LRBA: variants seen among roughly 807,000 people sequenced by gnomAD.
LRBA encodes the protein LPS responsive beige-like anchor protein.
A neutral mutation model predicts 330.0 loss-of-function variants in LRBA; 176 were observed. The observed-to-expected ratio is 0.53, with a 90% CI of 0.47 to 0.60. LRBA has a LOEUF of 0.60. Among genes scored for constraint, LRBA ranks in the 20% least tolerant of loss-of-function variants. The pLI is 0.00. For synonymous variants in LRBA, 1,230 were observed against 1,193.0 expected (o/e 1.03, Z -0.64); for missense variants, 3,259 against 3,444.8 (o/e 0.95, Z 1.35).
intron 44 of LRBA, among the ~76,000 whole-genome samples, chr4:150,452,938 A>C (rs1287423880): frequency 6.6e-6 from 1 of 152,214 alleles, no homozygotes; most frequent in Non-Finnish European, 1.5e-5. Context: ...AACTGGAATT[A>C]AACGTTTTAT....
Position 150,697,349 on chromosome 4 carries a change from A to AC in LRBA, c.5755-13633_5755-13632insG, listed in dbSNP as rs1561527684. On this transcript the variant is annotated intron_variant, in intron 36 of 56. Transcript: ENST00000651943. ...AGAAAAAAAAAAAAAAAAAAAAAAA[A>AC]AACAGGGAGAGTTTCACAGAGGAAT... Among the ~76,000 whole-genome samples, 122 of 148,402 alleles carry AC rather than the reference A, an allele frequency of 8.2e-4. 2 individuals carry two copies. The highest frequency in any genetic ancestry group is 3.0e-3 in the African/African-American group (118 of 39,768).
intron 41 of LRBA, among the ~76,000 whole-genome samples, chr4:150,489,131 A>ATATATAATATATAAGAC (rs1554038988): frequency 8.0e-5 from 8 of 99,440 alleles, no homozygotes; most frequent in Admixed American, 3.1e-4. Flanking sequence ...ATATATAAGA[A>ATATATAATATATAAGAC]TATATAATAT....
At chr4:150,825,423 A>G (rs188027778) in intron 30 of LRBA, among the ~76,000 whole-genome samples, 37 of 152,190 alleles carry the variant, frequency 2.4e-4, no homozygotes, top group African/African-American at 8.7e-4. Context: ...CTGGAGTGCA[A>G]TGCTGCAGTT....
chr4:150,437,320 G>A (rs972631093), intron 44 of LRBA, among the ~76,000 whole-genome samples: 2 of 151,892 alleles, frequency 1.3e-5, no homozygotes, highest in Non-Finnish European at 2.9e-5. Flanking sequence ...GTGAGATGGA[G>A]CACAAAGGAA....
chr4:150,596,680 T>C (rs1183219853), intron 38 of LRBA, among the ~76,000 whole-genome samples: 2 of 151,854 alleles, frequency 1.3e-5, no homozygotes, highest in Non-Finnish European at 3.0e-5. Context: ...AAGTTTATTT[T>C]GATTAGCTTC....
Position 150,549,492 on chromosome 4 carries a change from C to T in LRBA, c.6330+38556G>A, listed in dbSNP as rs561707995. On this transcript the variant is annotated intron_variant, in intron 40 of 56. Coordinates refer to ENST00000651943, the MANE Select transcript of LRBA (RefSeq NM_001364905.1). ...GACTACAGGTGCCCGTCACCACGCC[C>T]GGCTAATTTTTTGTATTTTTAGTAG... is the stretch of plus-strand genomic sequence containing the variant. 5.9e-5 allele frequency among the ~76,000 whole-genome samples: 9 copies of T among 151,972 alleles called. No homozygotes were observed. The East Asian group carries it at 1.2e-3, about 20-fold the overall frequency.
chr4:150,952,263 T>A (rs906378037), intron 2 of LRBA, among the ~76,000 whole-genome samples: 1 of 152,102 alleles, frequency 6.6e-6, no homozygotes. Context: ...TATGTGTGTG[T>A]GTGTGTGTGT....
intron 40 of LRBA, among the ~76,000 whole-genome samples, chr4:150,506,121 G>T (rs1476337583): frequency 1.3e-5 from 2 of 152,190 alleles, no homozygotes; most frequent in Non-Finnish European, 2.9e-5. Context: ...GGACCAGATG[G>T]ATTCACAGCT....
intron 28 of LRBA, among the ~76,000 whole-genome samples, chr4:150,836,907 T>C (rs565217819): frequency 8.1e-4 from 124 of 152,342 alleles, no homozygotes; most frequent in Non-Finnish European, 2.9e-4. Flanking sequence ...TTTTAGATCT[T>C]TCCTGCTTTC....
intron 37 of LRBA, among the ~76,000 whole-genome samples, chr4:150,606,880 C>T (rs1295812934): frequency 2.6e-5 from 4 of 152,140 alleles, no homozygotes; most frequent in East Asian, 1.9e-4. Context: ...AGGGTTTATG[C>T]GTAATTCACT....
intron 34 of LRBA, among the ~76,000 whole-genome samples, chr4:150,766,410 A>T (rs1446260122): frequency 6.6e-6 from 1 of 152,118 alleles, no homozygotes; most frequent in Admixed American, 6.5e-5. Context: ...ATATTTTTTC[A>T]ATTTGTTTAT....
At chr4:150,613,605 A>T (rs1224702190) in intron 37 of LRBA, among the ~76,000 whole-genome samples, 1 of 152,200 alleles carries the variant, frequency 6.6e-6, no homozygotes, top group Non-Finnish European at 1.5e-5. Context: ...TCCTGGTTTA[A>T]AACCTATGTG....
chr4:150,978,146 T>C (rs1381447425), intron 2 of LRBA, among the ~76,000 whole-genome samples: 8 of 152,200 alleles, frequency 5.3e-5, no homozygotes, highest in African/African-American at 1.9e-4. Flanking sequence ...GCCACATAGG[T>C]GCTTGTGTCT....
At chr4:150,869,147 C>T (rs1236022581) in intron 20 of LRBA, among the ~76,000 whole-genome samples, 2 of 151,724 alleles carry the variant, frequency 1.3e-5, no homozygotes, top group Non-Finnish European at 2.9e-5. Flanking sequence ...TCTTGAACTC[C>T]TGACCTCGTG....
intron 34 of LRBA, among the ~76,000 whole-genome samples, chr4:150,768,036 C>T (rs978392823): frequency 6.9e-6 from 1 of 145,194 alleles, no homozygotes; most frequent in Non-Finnish European, 1.5e-5. Flanking sequence ...TGCACTCCAG[C>T]CTGGGCAACA....
intron 40 of LRBA, among the ~76,000 whole-genome samples, chr4:150,556,804 C>T (rs1037282776): frequency 6.6e-6 from 1 of 152,160 alleles, no homozygotes; most frequent in African/African-American, 2.4e-5. Context: ...AAATTGGATA[C>T]TTCTTCCTAA....
At position 150,377,918 on chromosome 4, in the gene LRBA, C is replaced by T. The variant is rs557534173; in HGVS notation, c.7195-27759G>A. On this transcript the variant is annotated intron_variant, in intron 47 of 56. Coordinates refer to ENST00000651943, the MANE Select transcript of LRBA (RefSeq NM_001364905.1). Reference sequence around the variant, plus strand: ...CCTGGGAAGGGGAGGTTGCAGTGAGCGGAGATCATGCCACTGCACTCCAGC... The same window carrying T: ...CCTGGGAAGGGGAGGTTGCAGTGAGTGGAGATCATGCCACTGCACTCCAGC... 2.5e-4 allele frequency among the ~76,000 whole-genome samples: 36 copies of T among 145,800 alleles called. No individual in the cohort carries two copies. The South Asian group carries it at 7.1e-3, about 29-fold the overall frequency.
intron 40 of LRBA, among the ~76,000 whole-genome samples, chr4:150,558,612 T>A (rs1767641927): frequency 6.6e-6 from 1 of 151,948 alleles, no homozygotes; most frequent in African/African-American, 2.4e-5. Flanking sequence ...CTCTGGGGAG[T>A]CCTGGGTTCC....
At chr4:150,859,956 A>G (rs550730022) in intron 22 of LRBA, among the ~76,000 whole-genome samples, 5 of 152,338 alleles carry the variant, frequency 3.3e-5, no homozygotes, top group Admixed American at 3.3e-4. Flanking sequence ...TTTTGTTCCA[A>G]TAATTCCAGT....
Sources: allele counts gnomAD v4.1 joint callset (sites outside exome capture counted in the v4.1 genomes callset), GRCh38; gene constraint gnomAD v4.1.1; transcripts MANE v1.5; gene names NCBI Gene and HGNC (gene_info 2026-07-23, HGNC 2026-07-21).